Variants in LACC1 observed in about 807,000 individuals in gnomAD.
LACC1 encodes laccase domain multifunctional purine nucleosidase 1.
Under a neutral mutation model 34.8 loss-of-function variants are expected in LACC1, and 25 were observed. That is an observed-to-expected ratio of 0.72 (90% CI 0.52 to 1.00). LACC1 has a LOEUF of 1.00. Ranked by LOEUF, LACC1 falls within the 50% of genes least tolerant of loss-of-function variation. LACC1 has a pLI of 0.00. For synonymous variants in LACC1, 162 were observed against 168.0 expected, an observed-to-expected ratio of 0.96 and a Z score of 0.28; for missense variants, 426 against 511.2, an observed-to-expected ratio of 0.83 and a Z score of 1.61.
chr13:43,882,564 G>GATATATATATATATATATATATATAT (rs56292789), intron 3 of LACC1, among the ~76,000 whole-genome samples: 3 of 139,140 alleles, frequency 2.2e-5, no homozygotes, highest in South Asian at 2.5e-4. Context: ...CACACGTGCA[G>GATATATATATATATATATATATATAT]ATATATATAT....
In LACC1 at chr13:43,881,086, A is replaced by T. The variant is rs1955001150; in HGVS notation, c.101A>T (p.His34Leu). 6.2e-7 allele frequency: 1 copy of T among 1,614,070 alleles called. No homozygotes were observed. The highest frequency in any genetic ancestry group is 1.7e-5 in the Admixed American group (1 of 60,006). ...AAGACTTTGAATGCTGTCCAATACC[A>T]CCATGCTGCCAAGGCCAAGTTTCTC... Reference protein sequence around the residue: ...LLKTLNAVQYHHAAKAKFLCI... With the variant: ...LLKTLNAVQYLHAAKAKFLCI... The change falls in exon 2 of 7, where the codon CAC becomes CTC. Residue 34 changes from histidine to leucine, a missense_variant. By Grantham distance (99) the His-to-Leu change is moderately conservative. Around this residue, in one of 2 missense-constraint regions of LACC1, gnomAD observed 217 missense variants for 210.9 expected, o/e 1.03. Coordinates refer to ENST00000325686, the MANE Select transcript of LACC1 (RefSeq NM_153218.4).
At chr13:43,881,583 C>T (rs1566964291) in intron 2 of LACC1, 36 bp downstream of exon 2, 1 of 1,438,642 alleles carries the variant, frequency 7.0e-7, no homozygotes. Flanking sequence ...TTACTTTGTA[C>T]ATGGAAAACT....
chr13:43,880,824 C>T (rs765003493), intron 1 of LACC1, 128 bp from the exon 2 acceptor site: 16 of 624,456 alleles, frequency 2.6e-5, no homozygotes, highest in Non-Finnish European at 4.3e-5. Flanking sequence ...CTGGGAGGGG[C>T]CTAGATTTAC....
chr13:43,886,405 A>G (rs1469010228), intron 4 of LACC1, among the ~76,000 whole-genome samples: 2 of 152,240 alleles, frequency 1.3e-5, no homozygotes, highest in African/African-American at 4.8e-5. Flanking sequence ...GTACATATAC[A>G]TAATGGAATA....
At position 43,883,841 on chromosome 13, in the gene LACC1, AT is replaced by A; in HGVS notation, c.813del (p.Gln272ArgfsTer6). On this transcript the variant is annotated frameshift_variant, in exon 4 of 7. Coordinates refer to ENST00000325686, the MANE Select transcript of LACC1 (RefSeq NM_153218.4). LOFTEE classifies it high-confidence loss of function. ...EPDSYDGITT[N>X]QRGVTIAALG... Reference sequence around the variant, plus strand: ...GACTCTTATGATGGAATAACCACAAATCAGAGAGGAGTCACAATAGCAGCTC... The same window carrying A: ...GACTCTTATGATGGAATAACCACAAACAGAGAGGAGTCACAATAGCAGCTC... 1 of 1,613,870 alleles carries A rather than the reference AT, an allele frequency of 6.2e-7. No homozygotes were observed. The highest frequency in any genetic ancestry group is 8.5e-7 in the Non-Finnish European group (1 of 1,179,788).
intron 4 of LACC1, among the ~76,000 whole-genome samples, chr13:43,888,288 C>T (rs535796481): frequency 6.6e-6 from 1 of 152,126 alleles, no homozygotes; most frequent in African/African-American, 2.4e-5. Flanking sequence ...TTGCCAGGGG[C>T]TGGTAAAAGG....
intron 1 of LACC1, 23 bp from the exon 2 acceptor site, chr13:43,880,929 C>A (rs1368933018): frequency 1.4e-6 from 2 of 1,393,878 alleles, no homozygotes; most frequent in Non-Finnish European, 9.9e-7. Context: ...ATCTTATATT[C>A]TTACACTAAT....
chr13:43,884,394 G>C (rs1233210486), intron 4 of LACC1, among the ~76,000 whole-genome samples: 1 of 152,296 alleles, frequency 6.6e-6, no homozygotes, highest in South Asian at 2.1e-4. Flanking sequence ...GAGTGGTACT[G>C]CCTCTGGTTG....
intron 2 of LACC1, among the ~76,000 whole-genome samples, 186 bp from the exon 3 acceptor site, chr13:43,881,999 A>G (rs1955090665): frequency 6.6e-6 from 1 of 152,256 alleles, no homozygotes; most frequent in Admixed American, 6.5e-5. Context: ...TTTGAAGAGC[A>G]ACAATCTCAT....
At chr13:43,885,516 C>T (rs1955274812) in intron 4 of LACC1, among the ~76,000 whole-genome samples, 1 of 152,166 alleles carries the variant, frequency 6.6e-6, no homozygotes, top group Non-Finnish European at 1.5e-5. Flanking sequence ...AAAGGAATCC[C>T]TGTTCCATAA....
rs150734411 is a variant in LACC1, at chr13:43,889,127, C to T, written c.1133+145C>T. 454 of 612,356 alleles carry T rather than the reference C, an allele frequency of 7.4e-4. 1 individual carries two copies. In the African/African-American group the frequency reaches 7.7e-3, roughly 10 times the overall value. The allele number at this position is 612,356 out of a possible 1,614,324, so 37.9% of individuals were successfully genotyped here. A position where few individuals can be genotyped will look rare whatever the true frequency, so the allele number is the denominator to read the frequency against. On this transcript the variant is annotated intron_variant, in intron 5 of 6. Transcript: ENST00000325686. The stretch of plus-strand genomic sequence containing the variant: ...TGACATGCACATGTACACAAACACT[C>T]ATTTTAAATATGAAATCTGTTTTCA...
Position 43,888,779 on chromosome 13 carries a change from T to G in LACC1, c.930T>G (p.Gly310=). 3 of 1,613,866 alleles carry G rather than the reference T, an allele frequency of 1.9e-6. No homozygotes were observed. The highest frequency in any genetic ancestry group is 2.5e-6 in the Non-Finnish European group (3 of 1,179,776). ...CAGGTTGGAAAGGTACTTTGTTGGG[T>G]GTTGCTATGGCTACAGTGAATGCTA... ...AHAGWKGTLL[G]VAMATVNAMI... Residue 310 remains glycine, a synonymous_variant, in exon 5 of 7, where the codon GGT becomes GGG. Coordinates refer to ENST00000325686, the MANE Select transcript of LACC1 (RefSeq NM_153218.4).
At chr13:43,885,004 A>G (rs1955246747) in intron 4 of LACC1, among the ~76,000 whole-genome samples, 1 of 152,188 alleles carries the variant, frequency 6.6e-6, no homozygotes, top group African/African-American at 2.4e-5. Context: ...TTAATAAGTT[A>G]ATTTTGAAAG....
rs1955097556 is a variant in LACC1 at position 43,882,124 on chromosome 13, T to C, written c.563-61T>C. The stretch of plus-strand genomic sequence containing the variant: ...CAGGTAGCAGTGATCAGGGAAGGTC[T>C]AATTGAGAGACTGGTATTTTGAATA... On this transcript the variant is annotated intron_variant, in intron 2 of 6. Transcript: ENST00000325686. The C allele has an allele frequency of 3.7e-6, 5 of 1,333,592 alleles. No homozygotes were observed. In the East Asian group the frequency reaches 9.3e-5, roughly 25 times the overall value. The allele number at this position is 1,333,592 out of a possible 1,614,324, so 82.6% of individuals were successfully genotyped here.
chr13:43,890,141 T>C lies in LACC1; in HGVS notation c.1161T>C (p.Leu387=). 6.2e-7 allele frequency: 1 copy of C among 1,612,846 alleles called. No individual in the cohort carries two copies. Among genetic ancestry groups the C allele is most frequent in the Non-Finnish European group, 8.5e-7 (1 of 1,179,496 alleles). ...TTCTTCTAGAACAGGGAGGAATTCT[T>C]CCACAGAATATTCAGGACCAGAACC... ...TRILLEQGGI[L]PQNIQDQNQD... is the part of the protein sequence containing the mutation. The change falls in exon 6 of 7, where the codon CTT becomes CTC. Residue 387 remains leucine (L), a synonymous_variant. Coordinates refer to ENST00000325686, the MANE Select transcript of LACC1 (RefSeq NM_153218.4).
chr13:43,882,458 C>T, intron 3 of LACC1, 95 bp downstream of exon 3: 1 of 836,758 alleles, frequency 1.2e-6, no homozygotes, highest in Non-Finnish European at 1.8e-6. Context: ...TTTGTATCTG[C>T]TTTTTTATCT....
At chr13:43,889,699 A>C (rs1302983650) in intron 5 of LACC1, among the ~76,000 whole-genome samples, 1 of 152,204 alleles carries the variant, frequency 6.6e-6, no homozygotes, top group Non-Finnish European at 1.5e-5. Flanking sequence ...ATGGAGAAGC[A>C]AGTTTTCTGA....
rs566085243 is a variant in LACC1 at position 43,886,248 on chromosome 13, A to T, written c.907+2312A>T. ...AACTACCATTCAACCCAGCAATCCC[A>T]TTACTGGGTATATACCCAAAGGAAT... On this transcript the variant is annotated intron_variant, in intron 4 of 6. Coordinates refer to ENST00000325686, the MANE Select transcript of LACC1 (RefSeq NM_153218.4). Among the ~76,000 whole-genome samples the T allele has an allele frequency of 3.3e-5, 5 of 152,302 alleles. No individual in the cohort carries two copies. The East Asian group carries it at 9.7e-4, about 29-fold the overall frequency.
intron 5 of LACC1, among the ~76,000 whole-genome samples, chr13:43,889,683 G>T (rs530747768): frequency 2.0e-5 from 3 of 152,090 alleles, no homozygotes; most frequent in African/African-American, 7.2e-5. Flanking sequence ...ATATCATAAA[G>T]TGTTCATGGA....
Sources: gnomAD v4.1 joint callset for allele counts (sites outside exome capture counted in the v4.1 genomes callset) on GRCh38, gnomAD v4.1.1 for gene constraint, gnomAD v4.1.1 regional missense constraint, MANE v1.5 for transcripts, NCBI Gene and HGNC (gene_info 2026-07-23, HGNC 2026-07-21) for gene names.